Variants in RRAS2 observed in about 807,000 individuals in gnomAD.
RRAS2 encodes RAS related 2.
A neutral mutation model predicts 27.6 loss-of-function variants in RRAS2; 7 were observed. That is an observed-to-expected ratio of 0.25 (90% CI 0.14 to 0.48). The LOEUF (loss-of-function observed/expected upper bound fraction) is 0.48, where lower values mean the gene tolerates loss of function less well. Among genes scored for constraint, RRAS2 ranks in the 20% least tolerant of loss-of-function variants. The pLI, the probability that RRAS2 is intolerant of heterozygous loss-of-function variation, is 0.99. For missense variants in RRAS2, 178 were observed against 256.2 expected (o/e 0.69, Z 2.08); for synonymous variants, 86 against 90.9 (o/e 0.95, Z 0.31).
At chr11:14,328,366 CAAAAAAAAAAAAA>C (rs71041596) in intron 1 of RRAS2, among the ~76,000 whole-genome samples, 14 of 67,724 alleles carry the variant, frequency 2.1e-4, no homozygotes, top group African/African-American at 7.5e-4. Flanking sequence ...AACTCCAACT[CAAAAAAAAAAAAA>C]AAAAAAAAGA....
At chr11:14,353,720 GAAT>G (rs1361094867) in intron 1 of RRAS2, among the ~76,000 whole-genome samples, 2 of 151,758 alleles carry the variant, frequency 1.3e-5, no homozygotes, top group Non-Finnish European at 2.9e-5. Flanking sequence ...AACAAAACAA[GAAT>G]AAGACGTAAG....
chr11:14,344,414 T>C lies in RRAS2; in HGVS notation c.108+14349A>G, dbSNP rs72866406. Among the ~76,000 whole-genome samples, 1,270 of 152,330 alleles carry C rather than the reference T, an allele frequency of 8.3e-3. 10 individuals carry two copies. Among genetic ancestry groups the C allele is most frequent in the Non-Finnish European group, 0.013 (871 of 68,032 alleles). On this transcript the variant is annotated intron_variant, in intron 1 of 5. Coordinates refer to ENST00000256196, the MANE Select transcript of RRAS2 (RefSeq NM_012250.6). The stretch of plus-strand genomic sequence containing the variant: ...TCTGTGTACCTGCACACAAGCCTAC[T>C]TGCATGGGGCAAATTTCCCTTAGTT...
intron 1 of RRAS2, among the ~76,000 whole-genome samples, chr11:14,357,071 C>A (rs1400415011): frequency 6.6e-6 from 1 of 152,052 alleles, no homozygotes; most frequent in Non-Finnish European, 1.5e-5. Flanking sequence ...CAGGTGTGAG[C>A]CACGACGCCA....
chr11:14,284,111 T>C (rs1554944732), intron 4 of RRAS2, among the ~76,000 whole-genome samples: 1 of 152,204 alleles, frequency 6.6e-6, no homozygotes, highest in Non-Finnish European at 1.5e-5. Context: ...TTCTTATTTC[T>C]TAAGGAAGAA....
intron 1 of RRAS2, among the ~76,000 whole-genome samples, chr11:14,325,363 G>A (rs1848330604): frequency 6.8e-6 from 1 of 147,800 alleles, no homozygotes; most frequent in Non-Finnish European, 1.5e-5. Context: ...CCACGCTGGA[G>A]TGCAGTGGCG....
At chr11:14,280,515 C>T (rs1849495745) in intron 5 of RRAS2, among the ~76,000 whole-genome samples, 2 of 151,784 alleles carry the variant, frequency 1.3e-5, no homozygotes, top group South Asian at 4.2e-4. Flanking sequence ...AACACGAGGT[C>T]AGGAGTTCGA....
chr11:14,293,905 A>G (rs1847480494), intron 4 of RRAS2, among the ~76,000 whole-genome samples: 1 of 152,256 alleles, frequency 6.6e-6, no homozygotes, highest in African/African-American at 2.4e-5. Context: ...AAGTGGGTAA[A>G]GAAACAAGTG....
At position 14,279,158 on chromosome 11, in the gene RRAS2, T is replaced by C. The variant is rs1849450797; in HGVS notation, c.*179A>G. 1 of 577,776 alleles carries C rather than the reference T, an allele frequency of 1.7e-6. No homozygotes were observed. The highest frequency in any genetic ancestry group is 1.9e-5 in the African/African-American group (1 of 53,518). The allele number at this position is 577,776 out of a possible 1,614,324, so 35.8% of individuals were successfully genotyped here. A position where few individuals can be genotyped will look rare whatever the true frequency, so the allele number is the denominator to read the frequency against. On this transcript the variant is annotated 3_prime_UTR_variant, in exon 6 of 6. Transcript: ENST00000256196. ...AAGCAGCCTTAGTGTTTCCTTTAAA[T>C]TTGTCTGGAAATGACCATTGTATTA...
intron 1 of RRAS2, among the ~76,000 whole-genome samples, chr11:14,343,690 G>A (rs573993136): frequency 2.0e-4 from 30 of 151,478 alleles, no homozygotes; most frequent in Admixed American, 4.6e-4. Context: ...AAAAATTAGC[G>A]GGGCATGATG....
chr11:14,302,071 C>T (rs887830971), intron 1 of RRAS2, among the ~76,000 whole-genome samples: 8 of 104,072 alleles, frequency 7.7e-5, no homozygotes, highest in African/African-American at 2.8e-4. Flanking sequence ...GTACCACACA[C>T]ATACACACAC....
chr11:14,308,324 A>C (rs782424328), intron 1 of RRAS2: 1 of 439,334 alleles, frequency 2.3e-6, no homozygotes, highest in South Asian at 1.7e-5. Context: ...AGACCTAGAC[A>C]GATTAAACAT....
intron 1 of RRAS2, among the ~76,000 whole-genome samples, chr11:14,353,046 G>A (rs1181795548): frequency 2.0e-5 from 3 of 152,090 alleles, no homozygotes; most frequent in East Asian, 1.9e-4. Flanking sequence ...TGATCCGCCC[G>A]CCTCAGCCTC....
intron 4 of RRAS2, among the ~76,000 whole-genome samples, chr11:14,287,364 T>A (rs1372517576): frequency 6.6e-6 from 1 of 151,908 alleles, no homozygotes; most frequent in African/African-American, 2.4e-5. Flanking sequence ...TAAGTTAAAA[T>A]ATATATATAT....
intron 4 of RRAS2, among the ~76,000 whole-genome samples, chr11:14,282,955 T>C (rs1319226250): frequency 2.6e-5 from 4 of 152,224 alleles, no homozygotes; most frequent in Non-Finnish European, 5.9e-5. Context: ...GAACCTCCAG[T>C]ACAATGACAT....
intron 1 of RRAS2, among the ~76,000 whole-genome samples, chr11:14,333,419 A>C (rs150184644): frequency 1.3e-5 from 2 of 152,330 alleles, no homozygotes; most frequent in African/African-American, 4.8e-5. Context: ...CTCAAGTTTT[A>C]AAAATTCCTT....
chr11:14,348,197 AAAAC>A (rs1554954283), intron 1 of RRAS2, among the ~76,000 whole-genome samples: 1 of 152,222 alleles, frequency 6.6e-6, no homozygotes, highest in African/African-American at 2.4e-5. Context: ...ATAACAAAGT[AAAAC>A]AAACTCTGCT....
In RRAS2 at chr11:14,359,067, G is replaced by A. The variant is rs1315983764; in HGVS notation, c.-197C>T. ...ACTGGCTGGGTACCGCCCGAGGCGC[G>A]GAGAAGCGGGGTGACGGCACGGGCC... On this transcript the variant is annotated 5_prime_UTR_variant, in exon 1 of 6. Transcript: ENST00000256196. 3 of 1,099,646 alleles carry A rather than the reference G, an allele frequency of 2.7e-6. No individual in the cohort carries two copies. The highest frequency in any genetic ancestry group is 3.3e-5 in the African/African-American group (2 of 60,152). 68.1% of individuals were successfully genotyped at this position (1,099,646 alleles called of 1,614,324 possible).
At chr11:14,321,601 G>C (rs2133997200) in intron 1 of RRAS2, among the ~76,000 whole-genome samples, 1 of 152,284 alleles carries the variant, frequency 6.6e-6, no homozygotes, top group South Asian at 2.1e-4. Context: ...AGGTTGGATG[G>C]ATCCTTCTTA....
At chr11:14,334,761 C>T (rs1848557381) in intron 1 of RRAS2, among the ~76,000 whole-genome samples, 1 of 152,192 alleles carries the variant, frequency 6.6e-6, no homozygotes, top group African/African-American at 2.4e-5. Flanking sequence ...CAAATCTCCT[C>T]CAACCTTCTC....
Sources: allele counts gnomAD v4.1 joint callset (sites outside exome capture counted in the v4.1 genomes callset), GRCh38; gene constraint gnomAD v4.1.1; transcripts MANE v1.5; gene names NCBI Gene and HGNC (gene_info 2026-07-23, HGNC 2026-07-21).